ACYP2: variants seen among roughly 807,000 people sequenced by gnomAD.
ACYP2 encodes acylphosphatase-2.
ACYP2 carries 12 observed loss-of-function variants against 11.2 expected under a neutral mutation model. The ratio of observed to expected loss-of-function variants is 1.08; its 90% CI spans 0.69 to 1.74. The LOEUF (loss-of-function observed/expected upper bound fraction) is 1.74, where lower values mean the gene tolerates loss of function less well. Ranked by LOEUF, ACYP2 falls within the 40% of genes most tolerant of loss-of-function variation. The pLI, the probability that ACYP2 is intolerant of heterozygous loss-of-function variation, is 0.00. For missense variants in ACYP2, 134 were observed against 101.9 expected (o/e 1.31, Z -1.35); for synonymous variants, 43 against 32.2 (o/e 1.33, Z -1.13).
chr2:54,057,887 A>G (rs1401480870), intron 4 of ACYP2, among the ~76,000 whole-genome samples: 1 of 152,196 alleles, frequency 6.6e-6, no homozygotes, highest in Non-Finnish European at 1.5e-5. Flanking sequence ...GAGGCTTTTG[A>G]TTTGGTTATT....
At chr2:54,165,488 C>G (rs1193655530) in intron 6 of ACYP2, among the ~76,000 whole-genome samples, 2 of 148,496 alleles carry the variant, frequency 1.3e-5, no homozygotes, top group Non-Finnish European at 3.0e-5. Context: ...GTGTGTGTGT[C>G]TGTCTCTCTC....
intron 6 of ACYP2, among the ~76,000 whole-genome samples, chr2:54,185,012 A>AT (rs1373438966): frequency 4.6e-5 from 7 of 151,920 alleles, no homozygotes; most frequent in Non-Finnish European, 8.8e-5. Context: ...CGCCTGGCTT[A>AT]TTTTTTGTAT....
intron 6 of ACYP2, among the ~76,000 whole-genome samples, chr2:54,206,299 G>A (rs763197710): frequency 6.0e-4 from 92 of 152,270 alleles, no homozygotes; most frequent in Non-Finnish European, 7.8e-4. Flanking sequence ...ATGACATTGT[G>A]CATTAGAGGC....
intron 6 of ACYP2, among the ~76,000 whole-genome samples, chr2:54,243,602 C>T (rs763977437): frequency 1.3e-5 from 2 of 152,154 alleles, no homozygotes; most frequent in African/African-American, 4.8e-5. Flanking sequence ...TCAAGTGATT[C>T]TCCTGCCTCA....
At chr2:54,281,917 TATAAC>T (rs1377050729) in intron 6 of ACYP2, among the ~76,000 whole-genome samples, 1 of 152,222 alleles carries the variant, frequency 6.6e-6, no homozygotes, top group Non-Finnish European at 1.5e-5. Context: ...ATGAATGAGT[TATAAC>T]AGAAGCAAGC....
intron 6 of ACYP2, among the ~76,000 whole-genome samples, chr2:54,275,307 G>A (rs1688501167): frequency 6.6e-6 from 1 of 152,144 alleles, no homozygotes; most frequent in African/African-American, 2.4e-5. Context: ...TCCAGAAACA[G>A]CTGACTATTT....
chr2:54,020,012 G>A (rs571961068), intron 2 of ACYP2, among the ~76,000 whole-genome samples: 4 of 150,766 alleles, frequency 2.7e-5, no homozygotes, highest in Non-Finnish European at 4.4e-5. Flanking sequence ...GTGCAATCTC[G>A]GCTCACTGCA....
At chr2:54,159,173 TAA>T (rs3832035) in intron 6 of ACYP2, among the ~76,000 whole-genome samples, 9 of 145,876 alleles carry the variant, frequency 6.2e-5, no homozygotes, top group African/African-American at 1.5e-4. Flanking sequence ...CCCTGGGCTT[TAA>T]AAAAAAAAAA....
chr2:53,984,632 T>C (rs1381905942), intron 2 of ACYP2, among the ~76,000 whole-genome samples: 1 of 149,506 alleles, frequency 6.7e-6, no homozygotes, highest in Non-Finnish European at 1.5e-5. Context: ...TTATATATTA[T>C]ATATATAGCA....
chr2:54,197,250 G>A (rs1433270006), intron 6 of ACYP2, among the ~76,000 whole-genome samples: 1 of 152,036 alleles, frequency 6.6e-6, no homozygotes, highest in Non-Finnish European at 1.5e-5. Context: ...CTACCTCAGG[G>A]GTCACCCAGG....
At chr2:53,990,809 T>C (rs1363832318) in intron 2 of ACYP2, among the ~76,000 whole-genome samples, 3 of 152,010 alleles carry the variant, frequency 2.0e-5, no homozygotes, top group Non-Finnish European at 4.4e-5. Flanking sequence ...TTGTTTTTTG[T>C]TTTTTAAGGC....
intron 6 of ACYP2, chr2:54,267,184 C>A (rs575543565): frequency 3.7e-6 from 4 of 1,094,164 alleles, no homozygotes; most frequent in Admixed American, 5.6e-5. Context: ...TGTATTTTTT[C>A]ATCAAGAAAA....
At chr2:54,125,697 C>T (rs1414799285) in intron 4 of ACYP2, among the ~76,000 whole-genome samples, 1 of 151,922 alleles carries the variant, frequency 6.6e-6, no homozygotes, top group Non-Finnish European at 1.5e-5. Context: ...TTGCAGTGAG[C>T]CGAGATCGTG....
intron 2 of ACYP2, among the ~76,000 whole-genome samples, chr2:53,980,523 G>T (rs953837334): frequency 6.6e-6 from 1 of 151,992 alleles, no homozygotes; most frequent in Non-Finnish European, 1.5e-5. Flanking sequence ...TCAAGATCAG[G>T]CTGGGCAACG....
intron 2 of ACYP2, among the ~76,000 whole-genome samples, chr2:53,997,652 C>CT (rs1447630144): frequency 2.0e-5 from 3 of 152,114 alleles, no homozygotes; most frequent in Non-Finnish European, 4.4e-5. Flanking sequence ...GGACATATCT[C>CT]TTTTTCAGCT....
Position 54,242,079 on chromosome 2 carries a change from G to A in ACYP2, c.405-62609G>A, listed in dbSNP as rs549340622. 6.6e-5 allele frequency among the ~76,000 whole-genome samples: 10 copies of A among 152,286 alleles called. No individual in the cohort carries two copies. The South Asian group carries it at 2.1e-3, about 32-fold the overall frequency. ...GAAATTAGCCATGTATTTATAATAC[G>A]CGTAGTAAAAGTGCAGACGCTATGA... On this transcript the variant is annotated intron_variant, in intron 6 of 6. Transcript: ENST00000607452.
intron 6 of ACYP2, among the ~76,000 whole-genome samples, chr2:54,184,861 T>TTTC (rs1553387236): frequency 2.0e-5 from 3 of 151,284 alleles, no homozygotes; most frequent in African/African-American, 7.3e-5. Flanking sequence ...TTTTTTTTTT[T>TTTC]TGGAGACAAG....
intron 6 of ACYP2, among the ~76,000 whole-genome samples, chr2:54,271,107 C>G (rs908420712): frequency 1.3e-5 from 2 of 152,184 alleles, no homozygotes; most frequent in Admixed American, 6.5e-5. Flanking sequence ...ATAGGCCAAG[C>G]TCACTATGGA....
chr2:54,145,471 TTTCTC>T (rs1681837806), intron 6 of ACYP2, among the ~76,000 whole-genome samples: 1 of 152,182 alleles, frequency 6.6e-6, no homozygotes, highest in South Asian at 2.1e-4. Flanking sequence ...TTGCTATACT[TTTCTC>T]TTTTTATATT....
Sources: gnomAD v4.1 joint callset for allele counts (sites outside exome capture counted in the v4.1 genomes callset) on GRCh38, gnomAD v4.1.1 for gene constraint, MANE v1.5 for transcripts, NCBI Gene and HGNC (gene_info 2026-07-23, HGNC 2026-07-21) for gene names.